TNFAIP8L3: variants seen among roughly 807,000 people sequenced by gnomAD.
The protein encoded by TNFAIP8L3 is tumor necrosis factor alpha-induced protein 8-like protein 3.
A neutral mutation model predicts 11.8 loss-of-function variants in TNFAIP8L3; 7 were observed. The observed-to-expected ratio is 0.59, with a 90% confidence interval of 0.34 to 1.11. The LOEUF (loss-of-function observed/expected upper bound fraction) is 1.11, where lower values mean the gene tolerates loss of function less well. Among genes scored for constraint, TNFAIP8L3 ranks in the 50% most tolerant of loss-of-function variants. The probability of loss-of-function intolerance (pLI) is 0.03; values close to 1 mark genes in which losing one functional copy is unlikely to be tolerated. For missense variants in TNFAIP8L3, 219 were observed against 258.6 expected, an observed-to-expected ratio of 0.85 and a Z score of 1.05; for synonymous variants, 98 against 103.8, an observed-to-expected ratio of 0.94 and a Z score of 0.34.
At chr15:51,066,694 T>C (rs984335074) in intron 1 of TNFAIP8L3, among the ~76,000 whole-genome samples, 1 of 152,124 alleles carries the variant, frequency 6.6e-6, no homozygotes, top group Non-Finnish European at 1.5e-5. Context: ...GTATGCAGGA[T>C]GGGATATCCT....
In TNFAIP8L3 at chr15:51,058,373, G is replaced by C. The variant is rs2140961309; in HGVS notation, c.123C>G (p.Ser41Arg). Residue 41 changes from serine to arginine, a missense_variant, in exon 2 of 2, where the codon AGC becomes AGG. By Grantham distance (110) the Ser-to-Arg change is moderately radical (BLOSUM62 -1). Transcript: ENST00000637513. ...AQKKILSKIA[S>R]KTVANMLIDD... Reference sequence around the variant, plus strand: ...CAATCAACATGTTGGCCACAGTTTTGCTGGCTATTTTGCTCAGAATCTTCT... The same window carrying C: ...CAATCAACATGTTGGCCACAGTTTTCCTGGCTATTTTGCTCAGAATCTTCT... The C allele has an allele frequency of 6.2e-7, 1 of 1,613,820 alleles. No homozygotes were observed. Among genetic ancestry groups the C allele is most frequent in the African/African-American group, 1.3e-5 (1 of 74,988 alleles).
intron 1 of TNFAIP8L3, among the ~76,000 whole-genome samples, chr15:51,087,919 T>TTATA (rs6145560): frequency 0.25 from 25,751 of 101,344 alleles, 5,457 homozygotes; most frequent in South Asian, 0.34. Context: ...TAGCATACCT[T>TTATA]TATATATATA....
chr15:51,087,275 A>G (rs1024064003), intron 1 of TNFAIP8L3, among the ~76,000 whole-genome samples: 2 of 152,212 alleles, frequency 1.3e-5, no homozygotes, highest in African/African-American at 4.8e-5. Context: ...CCATGACTCA[A>G]TTGTGGCAGG....
intron 1 of TNFAIP8L3, chr15:51,104,910 G>C: frequency 6.7e-7 from 1 of 1,494,976 alleles, no homozygotes; most frequent in Non-Finnish European, 9.3e-7. Flanking sequence ...TCAGATGCCA[G>C]CTCTGTGCAT....
intron 1 of TNFAIP8L3, among the ~76,000 whole-genome samples, chr15:51,078,965 A>G (rs531817132): frequency 1.8e-4 from 28 of 151,978 alleles, no homozygotes; most frequent in African/African-American, 6.0e-4. Context: ...CTACTGTTCT[A>G]TTTTCCACAC....
rs554738887 is a variant in TNFAIP8L3 at position 51,081,336 on chromosome 15, G to T, written c.52+13208C>A. ...ACAAGATGGGTAGGGCCCATGGGGG[G>T]CCCAGCTTTTCTGGAAGTTTTAGAT... On this transcript the variant is annotated intron_variant, in intron 1 of 1. Transcript: ENST00000637513. 2.9e-3 allele frequency among the ~76,000 whole-genome samples: 439 copies of T among 152,342 alleles called. 3 individuals carry two copies. Among genetic ancestry groups the T allele is most frequent in the African/African-American group, 0.01 (427 of 41,580 alleles).
intron 1 of TNFAIP8L3, among the ~76,000 whole-genome samples, chr15:51,078,401 C>T (rs532705609): frequency 1.3e-5 from 2 of 152,102 alleles, no homozygotes; most frequent in Non-Finnish European, 2.9e-5. Context: ...ACCTGGTCAC[C>T]AGCAGCAGGG....
chr15:51,083,534 C>T (rs1174248865), intron 1 of TNFAIP8L3, among the ~76,000 whole-genome samples: 1 of 152,232 alleles, frequency 6.6e-6, no homozygotes, highest in East Asian at 1.9e-4. Flanking sequence ...GACCCCCTGC[C>T]AGCCAGCGAG....
intron 1 of TNFAIP8L3, among the ~76,000 whole-genome samples, chr15:51,072,735 C>G (rs1476291981): frequency 1.3e-5 from 2 of 151,956 alleles, no homozygotes; most frequent in Non-Finnish European, 2.9e-5. Flanking sequence ...TATCAGGTTT[C>G]TATATTGCAT....
intron 1 of TNFAIP8L3, among the ~76,000 whole-genome samples, chr15:51,100,481 C>G (rs2065542828): frequency 6.6e-6 from 1 of 151,998 alleles, no homozygotes; most frequent in Admixed American, 6.5e-5. Context: ...CATACTAACA[C>G]AGGTAAGAGA....
chr15:51,100,417 G>T (rs935091054), intron 1 of TNFAIP8L3, among the ~76,000 whole-genome samples: 3 of 151,994 alleles, frequency 2.0e-5, no homozygotes, highest in Non-Finnish European at 4.4e-5. Flanking sequence ...AACAACAAGA[G>T]TAGTGATTTA....
Position 51,094,681 on chromosome 15 carries a change from G to C in TNFAIP8L3, c.-86C>G, listed in dbSNP as rs777218814. 12 of 1,188,966 alleles carry C rather than the reference G, an allele frequency of 1.0e-5. No homozygotes were observed. The South Asian group carries it at 1.2e-4, about 11-fold the overall frequency. 73.7% of individuals were successfully genotyped at this position (1,188,966 alleles called of 1,614,324 possible). A position where few individuals can be genotyped will look rare whatever the true frequency, so the allele number is the denominator to read the frequency against. ...CCGCGGCGCACTCAGGGCGGACAGC[G>C]GGGCGGCTGGAGCCCGGGCGGCGCG... On this transcript the variant is annotated 5_prime_UTR_variant, in exon 1 of 2. Coordinates refer to ENST00000637513, the MANE Select transcript of TNFAIP8L3 (RefSeq NM_001311175.2). This position sits in a 1 kb window ranked among gnomAD's most constrained non-coding sequence, Gnocchi z 4.4.
intron 1 of TNFAIP8L3, among the ~76,000 whole-genome samples, chr15:51,087,330 C>T (rs2065436545): frequency 4.6e-5 from 7 of 152,198 alleles, no homozygotes; most frequent in Admixed American, 4.6e-4. Flanking sequence ...CTCCCCTCAC[C>T]TACCTCCCGT....
intron 1 of TNFAIP8L3, among the ~76,000 whole-genome samples, chr15:51,067,099 T>C (rs1193743641): frequency 6.6e-6 from 1 of 152,218 alleles, no homozygotes; most frequent in Admixed American, 6.5e-5. Flanking sequence ...AGTGCCTTTA[T>C]TGGTCCAATT....
rs1489987621 is a variant in TNFAIP8L3, at chr15:51,058,284, T to C, written c.212A>G (p.Lys71Arg). 2 of 1,614,112 alleles carry C rather than the reference T, an allele frequency of 1.2e-6. No individual in the cohort carries two copies. Among genetic ancestry groups the C allele is most frequent in the East Asian group, 2.2e-5 (1 of 44,904 alleles). Residue 71 changes from lysine (K) to arginine (R), a missense_variant, in exon 2 of 2, where the codon AAG (lysine) becomes AGG (arginine). Physicochemically the swap from Lys to Arg is conservative, Grantham distance 26. Transcript: ENST00000637513. Reference sequence around the variant, plus strand: ...TTTCATGATCTTGTGGGCTTCCTTCTTGTTGTGTGTGTGCTCTTTGGTGAC... The same window carrying C: ...TTTCATGATCTTGTGGGCTTCCTTCCTGTTGTGTGTGTGCTCTTTGGTGAC... ...YKVTKEHTHN[K>R]KEAHKIMKDL...
At chr15:51,058,582 AAACCCC>A in intron 1 of TNFAIP8L3, 139 bp from the exon 2 acceptor site, 1 of 746,270 alleles carries the variant, frequency 1.3e-6, no homozygotes, top group Non-Finnish European at 2.1e-6. Context: ...CTCCCTAACT[AAACCCC>A]ACCCCAGCCT....
rs2065215737 is a variant in TNFAIP8L3 at position 51,057,806 on chromosome 15, G to A, written c.*75C>T. Reference sequence around the variant, plus strand: ...ATCTTTGACAAGGGTTTCTGCTTATGTTCTTGATTCTCACCCAGATCATGG... The same window carrying A: ...ATCTTTGACAAGGGTTTCTGCTTATATTCTTGATTCTCACCCAGATCATGG... On this transcript the variant is annotated 3_prime_UTR_variant, in exon 2 of 2. Coordinates refer to ENST00000637513, the MANE Select transcript of TNFAIP8L3 (RefSeq NM_001311175.2). 1 of 1,298,588 alleles carries A rather than the reference G, an allele frequency of 7.7e-7. No individual in the cohort carries two copies. The highest frequency in any genetic ancestry group is 1.1e-6 in the Non-Finnish European group (1 of 940,404). The allele number at this position is 1,298,588 out of a possible 1,614,324, so 80.4% of individuals were successfully genotyped here. A position where few individuals can be genotyped will look rare whatever the true frequency, so the allele number is the denominator to read the frequency against.
rs35745049 is a variant in TNFAIP8L3 at position 51,085,190 on chromosome 15, T to TAA, written c.52+9352_52+9353dup. On this transcript the variant is annotated intron_variant, in intron 1 of 1. Transcript: ENST00000637513. ...AACAAACATGCCAGTTTCTTTACAATAAAAAAAAAAATCAATCTAAAGAAA... is the reference window on the plus strand; with the variant it reads ...AACAAACATGCCAGTTTCTTTACAATAAAAAAAAAAAAATCAATCTAAAGAAA... 1.1e-3 allele frequency among the ~76,000 whole-genome samples: 160 copies of TAA among 147,550 alleles called. 1 individual carries two copies. Among genetic ancestry groups the TAA allele is most frequent in the African/African-American group, 2.7e-3 (107 of 40,288 alleles).
At position 51,076,093 on chromosome 15, in the gene TNFAIP8L3, A is replaced by G. The variant is rs368910915; in HGVS notation, c.53-17650T>C. On this transcript the variant is annotated intron_variant, in intron 1 of 1. Coordinates refer to ENST00000637513, the MANE Select transcript of TNFAIP8L3 (RefSeq NM_001311175.2). ...GTCAATCTGAATGCGGAACAGCAGG[A>G]AAGGGACATGTAATATATTGCTTAT... Among the ~76,000 whole-genome samples the G allele has an allele frequency of 1.6e-4, 25 of 152,346 alleles. No individual in the cohort carries two copies. In the South Asian group the frequency reaches 4.8e-3, roughly 29 times the overall value.
Sources: allele counts gnomAD v4.1 joint callset (sites outside exome capture counted in the v4.1 genomes callset), GRCh38; gene constraint gnomAD v4.1.1; non-coding constraint Gnocchi (gnomAD v3.1); transcripts MANE v1.5; gene names NCBI Gene and HGNC (gene_info 2026-07-23, HGNC 2026-07-21).